The following BLTP1 variants were observed in gnomAD, a reference collection of about 807,000 sequenced individuals.
BLTP1 encodes bridge-like lipid transfer protein family member 1, also known as fragile site-associated protein.
At chr4:122,269,403 G>C in the BLTP1 span, 1 of 985,016 alleles carries the variant, frequency 1.0e-6, no homozygotes. Flanking sequence ...GAGCTTCTTT[G>C]AGTGATTCTG....
the BLTP1 span, among the ~76,000 whole-genome samples, chr4:122,302,466 TA>T: frequency 2.0e-5 from 3 of 152,226 alleles, no homozygotes; most frequent in African/African-American, 7.2e-5. Flanking sequence ...ATGTCTGTTA[TA>T]ATGCTCTGTG....
the BLTP1 span, chr4:122,257,089 T>G: frequency 4.4e-6 from 1 of 227,544 alleles, no homozygotes; most frequent in Non-Finnish European, 7.3e-6. Flanking sequence ...ATAATTGAAA[T>G]CCTGACTCTC....
the BLTP1 span, chr4:122,246,077 T>A: frequency 7.0e-7 from 1 of 1,436,558 alleles, no homozygotes; most frequent in African/African-American, 1.4e-5. Context: ...GCAGCGTGAA[T>A]AAGTGAGTTG....
chr4:122,271,091 G>A, the BLTP1 span: 4 of 1,613,794 alleles, frequency 2.5e-6, no homozygotes, highest in Admixed American at 3.3e-5. Flanking sequence ...CATCAGTGCT[G>A]TTGTAATGGA....
the BLTP1 span, chr4:122,215,680 GT>G: frequency 1.8e-6 from 1 of 551,702 alleles, no homozygotes; most frequent in Admixed American, 6.4e-5. Context: ...ACATCTTTAA[GT>G]TTTGTTTGTT....
At chr4:122,184,704 G>A in the BLTP1 span, 2 of 985,232 alleles carry the variant, frequency 2.0e-6, no homozygotes, top group Non-Finnish European at 2.4e-6. Context: ...AAAAATGCTG[G>A]TTTAACAACT....
the BLTP1 span, chr4:122,325,815 AG>A: frequency 1.3e-6 from 1 of 797,732 alleles, no homozygotes; most frequent in Non-Finnish European, 1.7e-6. Flanking sequence ...ATTTTTCATG[AG>A]TTTTTTTTTT....
chr4:122,263,449 A>C, the BLTP1 span: 2 of 1,596,126 alleles, frequency 1.3e-6, no homozygotes, highest in Non-Finnish European at 1.7e-6. Flanking sequence ...CAGGAAATAC[A>C]GTAGCCACTG....
the BLTP1 span, among the ~76,000 whole-genome samples, chr4:122,193,993 G>A: frequency 1.1e-4 from 16 of 151,420 alleles, no homozygotes; most frequent in Non-Finnish European, 2.1e-4. Context: ...CTCCCAAGTA[G>A]CTGGGACTAC....
the BLTP1 span, among the ~76,000 whole-genome samples, chr4:122,294,439 T>TA: frequency 1.3e-5 from 2 of 152,140 alleles, no homozygotes; most frequent in Non-Finnish European, 2.9e-5. Flanking sequence ...CCTTCACTGA[T>TA]ACCTGGTGCA....
the BLTP1 span, chr4:122,242,862 T>C: frequency 3.4e-6 from 2 of 589,922 alleles, no homozygotes; most frequent in South Asian, 6.4e-5. Context: ...TTTGATTTGC[T>C]TAATTTGTCT....
At chr4:122,196,175 T>A in the BLTP1 span, among the ~76,000 whole-genome samples, 3 of 152,206 alleles carry the variant, frequency 2.0e-5, no homozygotes, top group African/African-American at 7.2e-5. Flanking sequence ...CCATGTGCCA[T>A]GCACTGCTAA....
At chr4:122,336,922 C>A in the BLTP1 span, 2 of 1,610,618 alleles carry the variant, frequency 1.2e-6, no homozygotes, top group South Asian at 1.1e-5. Flanking sequence ...TTTTGAAATA[C>A]CAGATCCTAT....
At chr4:122,176,174 G>A in the BLTP1 span, among the ~76,000 whole-genome samples, 6 of 151,776 alleles carry the variant, frequency 4.0e-5, no homozygotes, top group Non-Finnish European at 5.9e-5. Flanking sequence ...GTGGTGGTGG[G>A]CACCTGTAAT....
chr4:122,281,052 C>T, the BLTP1 span, among the ~76,000 whole-genome samples: 9 of 152,022 alleles, frequency 5.9e-5, no homozygotes, highest in Admixed American at 5.2e-4. Context: ...CATTTTGCAA[C>T]GTGGAGACAA....
chr4:122,336,611 G>A, the BLTP1 span: 1 of 974,742 alleles, frequency 1.0e-6, no homozygotes, highest in Non-Finnish European at 1.2e-6. Context: ...TACATCCTTA[G>A]TGTGTCCCTT....
the BLTP1 span, chr4:122,251,579 C>G: frequency 1.0e-6 from 1 of 984,970 alleles, no homozygotes; most frequent in Non-Finnish European, 1.2e-6. Context: ...ACTCACTGGA[C>G]AAAAGAGCTG....
the BLTP1 span, chr4:122,184,949 C>G: frequency 1.0e-6 from 1 of 983,828 alleles, no homozygotes; most frequent in Non-Finnish European, 1.2e-6. Context: ...AAATACTAGC[C>G]CATTTACGCC....
chr4:122,257,994 G>A, the BLTP1 span, among the ~76,000 whole-genome samples: 2 of 152,122 alleles, frequency 1.3e-5, no homozygotes, highest in East Asian at 3.9e-4. Flanking sequence ...TATTTTAAAG[G>A]GGCCTTTGTC....
Sources: gnomAD v4.1 joint callset for allele counts (sites outside exome capture counted in the v4.1 genomes callset) on GRCh38, gnomAD v4.1.1 for gene constraint, MANE v1.5 for transcripts, NCBI Gene and HGNC (gene_info 2026-07-23, HGNC 2026-07-21) for gene names.